Variants in RPS15 observed in about 807,000 individuals in gnomAD.
RPS15 encodes the protein ribosomal protein S15.
A neutral mutation model predicts 14.9 loss-of-function variants in RPS15; 5 were observed. That is an observed-to-expected ratio of 0.34 (90% CI 0.18 to 0.70). The LOEUF is 0.70. Among genes scored for constraint, RPS15 ranks in the 30% least tolerant of loss-of-function variants. The probability of loss-of-function intolerance (pLI) is 0.65; values close to 1 mark genes in which losing one functional copy is unlikely to be tolerated. For missense variants in RPS15, 102 were observed against 204.2 expected, an observed-to-expected ratio of 0.50 and a Z score of 3.05; for synonymous variants, 103 against 85.0, an observed-to-expected ratio of 1.21 and a Z score of -1.16.
chr19:1,439,243 C>T (rs779877427), intron 2 of RPS15: 24 of 275,356 alleles, frequency 8.7e-5, no homozygotes, highest in Non-Finnish European at 1.4e-4. Flanking sequence ...TGGTGGGCAT[C>T]TGGCTTGCGC....
Position 1,440,435 on chromosome 19 carries a change from C to T in RPS15, c.411C>T (p.His137=). 6.2e-7 allele frequency: 1 copy of T among 1,613,814 alleles called. No individual in the cohort carries two copies. The highest frequency in any genetic ancestry group is 1.1e-5 in the South Asian group (1 of 91,070). ...GCCGGCCCGGCATCGGGGCCACCCA[C>T]TCCTCCCGCTTCATCCCTCTCAAGT... is the stretch of plus-strand genomic sequence containing the variant. ...KHGRPGIGAT[H]SSRFIPLK The change falls in exon 4 of 4, where the codon CAC becomes CAT. Residue 137 remains histidine (H), a synonymous_variant. Transcript: ENST00000592588.
chr19:1,438,652 G>T lies in RPS15; in HGVS notation c.4-155G>T, dbSNP rs1475621513. On this transcript the variant is annotated intron_variant, in intron 1 of 3. Transcript: ENST00000592588. This position sits in a 1 kb window ranked among gnomAD's most constrained non-coding sequence, Gnocchi z 4.8. Reference sequence around the variant, plus strand: ...CATGTCCGGGTCCTCGTAACCCGGAGCCGCGAGTGATCCCCGGGGACGGGT... The same window carrying T: ...CATGTCCGGGTCCTCGTAACCCGGATCCGCGAGTGATCCCCGGGGACGGGT... 1 of 1,530,208 alleles carries T rather than the reference G, an allele frequency of 6.5e-7. No individual in the cohort carries two copies. Among genetic ancestry groups the T allele is most frequent in the East Asian group, 2.5e-5 (1 of 40,626 alleles). 94.8% of individuals were successfully genotyped at this position (1,530,208 alleles called of 1,614,324 possible). A position where few individuals can be genotyped will look rare whatever the true frequency, so the allele number is the denominator to read the frequency against.
chr19:1,440,224 G>A lies in RPS15; in HGVS notation c.295G>A (p.Gly99Ser), dbSNP rs1271560845. 6.2e-7 allele frequency: 1 copy of A among 1,612,918 alleles called. No individual in the cohort carries two copies. The highest frequency in any genetic ancestry group is 1.3e-5 in the African/African-American group (1 of 74,948). ...GGGCAGCATGGTGGGCGTCTACAAC[G>A]GCAAGACCTTCAACCAGGTGGAGAT... ...MVGSMVGVYN[G>S]KTFNQVEIKP... Residue 99 changes from glycine (G) to serine (S), a missense_variant, in exon 3 of 4, where the codon GGC becomes AGC. By Grantham distance (56) the Gly-to-Ser change is moderately conservative. This residue lies in a region of RPS15 where 32 missense variants were observed against 107.4 expected (regional missense o/e 0.30). Transcript: ENST00000592588.
rs1357078373 is a variant in RPS15 at position 1,438,842 on chromosome 19, C to T, written c.39C>T (p.Arg13=). Residue 13 remains arginine, a synonymous_variant, in exon 2 of 4, where the codon CGC becomes CGT. Transcript: ENST00000592588. This position sits in a 1 kb window ranked among gnomAD's most constrained non-coding sequence, Gnocchi z 4.8. ...AGCAGAAGAAGAAGCGGACCTTCCGCAAGTTCACCTACCGCGGCGTGGACC... is the reference window on the plus strand; with the variant it reads ...AGCAGAAGAAGAAGCGGACCTTCCGTAAGTTCACCTACCGCGGCGTGGACC... The part of the protein sequence containing the change: ...EVEQKKKRTF[R]KFTYRGVDLD... 5 of 1,597,108 alleles carry T rather than the reference C, an allele frequency of 3.1e-6. No homozygotes were observed. The highest frequency in any genetic ancestry group is 2.3e-5 in the East Asian group (1 of 44,130).
chr19:1,438,983 C>G lies in RPS15; in HGVS notation c.89+91C>G. ...CGGCGGGGCGGGGGTCCAAGCGCCT[C>G]TGCGGCGGTGGGCGGGCACGGTCTC... On this transcript the variant is annotated intron_variant, in intron 2 of 3. Coordinates refer to ENST00000592588, the MANE Select transcript of RPS15 (RefSeq NM_001018.5). The surrounding 1 kb of genome is among the most constrained non-coding windows in gnomAD (Gnocchi z 4.8). 1 of 976,642 alleles carries G rather than the reference C, an allele frequency of 1.0e-6. No individual in the cohort carries two copies. Among genetic ancestry groups the G allele is most frequent in the Non-Finnish European group, 1.5e-6 (1 of 663,098 alleles). 60.5% of individuals were successfully genotyped at this position (976,642 alleles called of 1,614,324 possible).
rs1394290186 is a variant in RPS15 at position 1,438,538 on chromosome 19, C to T, written c.3+110C>T. 5 of 1,594,606 alleles carry T rather than the reference C, an allele frequency of 3.1e-6. No individual in the cohort carries two copies. Among genetic ancestry groups the T allele is most frequent in the South Asian group, 1.1e-5 (1 of 88,958 alleles). ...CCCCGCGGCTACGGCGGCTTGCTCC[C>T]GACCCTGCAGGCGGCTGGATGTTGG... On this transcript the variant is annotated intron_variant, in intron 1 of 3. Transcript: ENST00000592588. This position sits in a 1 kb window ranked among gnomAD's most constrained non-coding sequence, Gnocchi z 4.8.
intron 2 of RPS15, chr19:1,439,518 C>T (rs1165023639): frequency 4.6e-6 from 1 of 219,674 alleles, no homozygotes; most frequent in Non-Finnish European, 9.2e-6. Flanking sequence ...CCTCGGCCTC[C>T]CAAAGTGCTG....
rs548603376 is a variant in RPS15 at position 1,440,046 on chromosome 19, G to C, written c.117G>C (p.Ala39=). The change falls in exon 3 of 4, where the codon GCG becomes GCC. Residue 39 remains alanine, a synonymous_variant. Coordinates refer to ENST00000592588, the MANE Select transcript of RPS15 (RefSeq NM_001018.5). ...SYEQLMQLYS[A]RQRRRLNRGL... Reference sequence around the variant, plus strand: ...AGCAGCTGATGCAGCTGTACAGTGCGCGCCAGCGGCGGCGGCTGAACCGGG... The same window carrying C: ...AGCAGCTGATGCAGCTGTACAGTGCCCGCCAGCGGCGGCGGCTGAACCGGG... The C allele has an allele frequency of 3.2e-6, 5 of 1,556,108 alleles. No homozygotes were observed. The highest frequency in any genetic ancestry group is 4.3e-6 in the Non-Finnish European group (5 of 1,150,860).
At position 1,438,509 on chromosome 19, in the gene RPS15, T is replaced by TCGTCCCCG. The variant is rs761443432; in HGVS notation, c.3+84_3+91dup. ...CTGACCGTCTCGCGGGGGCCGCAGT[T>TCGTCCCCG]CGTCCCCGCGGCTACGGCGGCTTGC... On this transcript the variant is annotated intron_variant, in intron 1 of 3. Transcript: ENST00000592588. The surrounding 1 kb of genome is among the most constrained non-coding windows in gnomAD (Gnocchi z 4.8). 6.2e-7 allele frequency: 1 copy of TCGTCCCCG among 1,609,702 alleles called. No individual in the cohort carries two copies. The highest frequency in any genetic ancestry group is 1.1e-5 in the South Asian group (1 of 90,582).
rs745637824 is a variant in RPS15 at position 1,438,480 on chromosome 19, A to C, written c.3+52A>C. On this transcript the variant is annotated intron_variant, in intron 1 of 3. Transcript: ENST00000592588. This position sits in a 1 kb window ranked among gnomAD's most constrained non-coding sequence, Gnocchi z 4.8. ...TGCCGGGCCTATCCGGCTCCATCCA[A>C]CCTCTGACCGTCTCGCGGGGGCCGC... 1 of 1,612,778 alleles carries C rather than the reference A, an allele frequency of 6.2e-7. No homozygotes were observed. Among genetic ancestry groups the C allele is most frequent in the Non-Finnish European group, 8.5e-7 (1 of 1,179,760 alleles).
rs536221393 is a variant in RPS15 at position 1,440,034 on chromosome 19, G to A, written c.105G>A (p.Gln35=). 15 of 1,552,858 alleles carry A rather than the reference G, an allele frequency of 9.7e-6. No individual in the cohort carries two copies. In the African/African-American group the frequency reaches 1.8e-4, roughly 18 times the overall value. Residue 35 remains glutamine (Q), a synonymous_variant, in exon 3 of 4, where the codon CAG becomes CAA. Coordinates refer to ENST00000592588, the MANE Select transcript of RPS15 (RefSeq NM_001018.5). ...TCCTCCCCAGCGAGCAGCTGATGCAGCTGTACAGTGCGCGCCAGCGGCGGC... is the reference window on the plus strand; with the variant it reads ...TCCTCCCCAGCGAGCAGCTGATGCAACTGTACAGTGCGCGCCAGCGGCGGC... ...LLDMSYEQLM[Q]LYSARQRRRL... is the part of the protein sequence containing the mutation.
rs1600268080 is a variant in RPS15 at position 1,440,220 on chromosome 19, C to T, written c.291C>T (p.Tyr97=). Reference sequence around the variant, plus strand: ...TGGTGGGCAGCATGGTGGGCGTCTACAACGGCAAGACCTTCAACCAGGTGG... The same window carrying T: ...TGGTGGGCAGCATGGTGGGCGTCTATAACGGCAAGACCTTCAACCAGGTGG... The part of the protein sequence containing the change: ...PEMVGSMVGV[Y]NGKTFNQVEI... Residue 97 remains tyrosine, a synonymous_variant, in exon 3 of 4, where the codon TAC becomes TAT. Coordinates refer to ENST00000592588, the MANE Select transcript of RPS15 (RefSeq NM_001018.5). The T allele has an allele frequency of 3.7e-6, 6 of 1,612,904 alleles. No individual in the cohort carries two copies. The highest frequency in any genetic ancestry group is 1.3e-5 in the African/African-American group (1 of 74,932).
chr19:1,439,529 G>A, intron 2 of RPS15: 1 of 234,246 alleles, frequency 4.3e-6, no homozygotes, highest in Non-Finnish European at 8.5e-6. Context: ...CAAAGTGCTG[G>A]GATTACAGGC....
rs1254170721 is a variant in RPS15 at position 1,438,889 on chromosome 19, C to T, written c.86C>T (p.Ser29Phe). Residue 29 changes from serine to phenylalanine, a missense_variant, in exon 2 of 4, where the codon TCC (serine) becomes TTC (phenylalanine). Physicochemically the swap from Ser to Phe is radical, Grantham distance 155. Around this residue, in one of 2 missense-constraint regions of RPS15, gnomAD observed 70 missense variants for 96.8 expected, o/e 0.72. Transcript: ENST00000592588. The surrounding 1 kb of genome is among the most constrained non-coding windows in gnomAD (Gnocchi z 4.8). ...GACCTCGACCAGCTGCTGGACATGTCCTAGTAAGGGCGGCCGCGGGGGTCG... is the reference window on the plus strand; with the variant it reads ...GACCTCGACCAGCTGCTGGACATGTTCTAGTAAGGGCGGCCGCGGGGGTCG... ...GVDLDQLLDMSYEQLMQLYSA... is the reference protein window; with the variant it reads ...GVDLDQLLDMFYEQLMQLYSA... 2 of 1,578,282 alleles carry T rather than the reference C, an allele frequency of 1.3e-6. No homozygotes were observed. Among genetic ancestry groups the T allele is most frequent in the Non-Finnish European group, 1.7e-6 (2 of 1,162,542 alleles).
At position 1,438,888 on chromosome 19, in the gene RPS15, T is replaced by A. The variant is rs1266858224; in HGVS notation, c.85T>A (p.Ser29Thr). The change falls in exon 2 of 4, where the codon TCC (serine) becomes ACC (threonine). Residue 29 changes from serine (S) to threonine (T), a missense_variant. By Grantham distance (58) the Ser-to-Thr change is moderately conservative. Transcript: ENST00000592588. The surrounding 1 kb of genome is among the most constrained non-coding windows in gnomAD (Gnocchi z 4.8). Reference protein sequence around the residue: ...GVDLDQLLDMSYEQLMQLYSA... With the variant: ...GVDLDQLLDMTYEQLMQLYSA... ...GGACCTCGACCAGCTGCTGGACATG[T>A]CCTAGTAAGGGCGGCCGCGGGGGTC... The A allele has an allele frequency of 6.3e-7, 1 of 1,579,260 alleles. No homozygotes were observed. Among genetic ancestry groups the A allele is most frequent in the African/African-American group, 1.4e-5 (1 of 73,928 alleles).
At chr19:1,439,747 C>T in intron 2 of RPS15, 1 of 608,312 alleles carries the variant, frequency 1.6e-6, no homozygotes, top group South Asian at 1.9e-5. Context: ...CGCTGCAGCA[C>T]CTTGTCTGAG....
chr19:1,440,105 G>T lies in RPS15; in HGVS notation c.176G>T (p.Arg59Leu). ...LRRKQHSLLK[R>L]LRKAKKEAPP... The stretch of plus-strand genomic sequence containing the variant: ...CGGAAGCAGCACTCCCTGCTGAAGC[G>T]CCTGCGCAAGGCCAAGAAGGAGGCG... The change falls in exon 3 of 4, where the codon CGC becomes CTC. Residue 59 changes from arginine to leucine, a missense_variant. Coordinates refer to ENST00000592588, the MANE Select transcript of RPS15 (RefSeq NM_001018.5). 1 of 1,594,290 alleles carries T rather than the reference G, an allele frequency of 6.3e-7. No individual in the cohort carries two copies. The highest frequency in any genetic ancestry group is 2.3e-5 in the East Asian group (1 of 44,186).
chr19:1,438,809 A>G lies in RPS15; in HGVS notation c.6A>G (p.Ala2=), dbSNP rs1038214393. Residue 2 remains alanine, a splice_region_variant and synonymous_variant, in exon 2 of 4, where the codon GCA becomes GCG. Coordinates refer to ENST00000592588, the MANE Select transcript of RPS15 (RefSeq NM_001018.5). The surrounding 1 kb of genome is among the most constrained non-coding windows in gnomAD (Gnocchi z 4.8). ...ACGCCCGATCCGCGCCCGCACAGGC[A>G]GAAGTAGAGCAGAAGAAGAAGCGGA... is the stretch of plus-strand genomic sequence containing the variant. The part of the protein sequence containing the change: M[A]EVEQKKKRTF... 2.5e-6 allele frequency: 4 copies of G among 1,592,262 alleles called. No homozygotes were observed. Among genetic ancestry groups the G allele is most frequent in the Non-Finnish European group, 3.4e-6 (4 of 1,170,330 alleles).
chr19:1,440,325 A>G (rs1600268260), intron 3 of RPS15, 24 bp from the exon 4 acceptor site: 1 of 1,612,204 alleles, frequency 6.2e-7, no homozygotes, highest in Non-Finnish European at 8.5e-7. Context: ...GCTGACACCC[A>G]GCTTTGCTCT....
Sources: allele counts gnomAD v4.1 joint callset, GRCh38; gene constraint gnomAD v4.1.1; regional missense constraint gnomAD v4.1.1; non-coding constraint Gnocchi (gnomAD v3.1); transcripts MANE v1.5; gene names NCBI Gene and HGNC (gene_info 2026-07-23, HGNC 2026-07-21).